Variants in RB1 observed in about 807,000 individuals in gnomAD.
RB1 encodes the protein retinoblastoma-associated protein.
A neutral mutation model predicts 135.4 loss-of-function variants in RB1; 18 were observed. That is an observed-to-expected ratio of 0.13 (90% CI 0.09 to 0.20). The LOEUF (loss-of-function observed/expected upper bound fraction) is 0.20, where lower values mean the gene tolerates loss of function less well. Among genes scored for constraint, RB1 ranks in the 10% least tolerant of loss-of-function variants. The pLI is 1.00. For missense variants in RB1, 868 were observed against 1,110.0 expected (o/e 0.78, Z 3.10); for synonymous variants, 365 against 373.2 (o/e 0.98, Z 0.25).
chr13:48,348,811 A>G (rs1952520858), intron 5 of RB1, 145 bp from the exon 6 acceptor site: 6 of 887,414 alleles, frequency 6.8e-6, no homozygotes, highest in Non-Finnish European at 9.8e-6. Context: ...TATGCAATTA[A>G]AATGGACTGC....
intron 11 of RB1, 136 bp downstream of exon 11, chr13:48,368,740 T>TCCAC: frequency 7.8e-6 from 10 of 1,284,900 alleles, no homozygotes; most frequent in Non-Finnish European, 1.0e-5. Flanking sequence ...GTGTGGTGGA[T>TCCAC]CACACCTGTA....
intron 20 of RB1, 129 bp downstream of exon 20, chr13:48,459,962 T>G (rs1384250231): frequency 2.3e-6 from 1 of 435,860 alleles, no homozygotes; most frequent in Non-Finnish European, 3.8e-6. Context: ...TTTCTTTCTT[T>G]CTTTCTCTCT....
intron 17 of RB1, among the ~76,000 whole-genome samples, chr13:48,393,307 G>A (rs1304999890): frequency 6.6e-6 from 1 of 152,098 alleles, no homozygotes; most frequent in Non-Finnish European, 1.5e-5. Context: ...AGTTTGCCTT[G>A]GCATCTCCCA....
chr13:48,370,272 A>C lies in RB1; in HGVS notation c.1127+1668A>C, dbSNP rs4151507. On this transcript the variant is annotated intron_variant, in intron 11 of 26. Transcript: ENST00000267163. ...ACAATCAACACAGAAGACTTTTGTG[A>C]CCAAATGTGGGAAAGTTTTCCTCAC... Among the ~76,000 whole-genome samples, 393 of 152,114 alleles carry C rather than the reference A, an allele frequency of 2.6e-3. 1 individual carries two copies. Among genetic ancestry groups the C allele is most frequent in the African/African-American group, 9.0e-3 (374 of 41,502 alleles).
chr13:48,327,990 C>T lies in RB1; in HGVS notation c.265-14609C>T. ...AAGATGAAAAAGAAAAAAAAAGTGG[C>T]TCCAAAGGTAGTCTTATACCATTCT... is the stretch of plus-strand genomic sequence containing the variant. On this transcript the variant is annotated intron_variant, in intron 2 of 26. Transcript: ENST00000267163. The T allele has an allele frequency of 1.0e-5, 6 of 582,206 alleles. 1 individual carries two copies. Among genetic ancestry groups the T allele is most frequent in the South Asian group, 9.9e-5 (4 of 40,448 alleles). 36.1% of individuals were successfully genotyped at this position (582,206 alleles called of 1,614,324 possible). A position where few individuals can be genotyped will look rare whatever the true frequency, so the allele number is the denominator to read the frequency against.
intron 6 of RB1, among the ~76,000 whole-genome samples, chr13:48,350,166 A>G (rs1003337746): frequency 6.6e-6 from 1 of 152,126 alleles, no homozygotes; most frequent in African/African-American, 2.4e-5. Flanking sequence ...GAAACATCAG[A>G]CTTAATCTGC....
intron 2 of RB1, chr13:48,316,812 C>A (rs545819256): frequency 1.8e-4 from 46 of 261,034 alleles, no homozygotes; most frequent in Non-Finnish European, 3.2e-4. Flanking sequence ...CGCTCCTTTC[C>A]ACAAATGCAC....
At chr13:48,459,050 A>C (rs1371499154) in intron 19 of RB1, among the ~76,000 whole-genome samples, 3 of 152,162 alleles carry the variant, frequency 2.0e-5, no homozygotes, top group Non-Finnish European at 4.4e-5. Flanking sequence ...GTGAGTGATT[A>C]TTAATAGAAT....
intron 2 of RB1, among the ~76,000 whole-genome samples, chr13:48,339,118 T>C (rs1158165934): frequency 1.3e-5 from 2 of 152,130 alleles, no homozygotes; most frequent in African/African-American, 2.4e-5. Flanking sequence ...TACTCAGGGG[T>C]CAGGGACCCA....
intron 17 of RB1, among the ~76,000 whole-genome samples, 191 bp from the exon 18 acceptor site, chr13:48,452,802 G>T (rs1949335999): frequency 1.3e-5 from 2 of 151,792 alleles, no homozygotes; most frequent in African/African-American, 2.4e-5. Flanking sequence ...TTTTTTGTGT[G>T]TGGGAAGTAC....
intron 2 of RB1, chr13:48,318,494 G>A (rs1952205298): frequency 1.7e-6 from 2 of 1,163,552 alleles, no homozygotes; most frequent in East Asian, 2.5e-5. Flanking sequence ...TCTTACCCTG[G>A]CCCTGCGTCA....
intron 17 of RB1, chr13:48,406,454 A>G (rs1011302316): frequency 6.6e-6 from 1 of 152,188 alleles, no homozygotes; most frequent in Non-Finnish European, 1.5e-5. Flanking sequence ...TTTAAATTGT[A>G]TAAATATAGT....
chr13:48,367,512 C>T lies in RB1; in HGVS notation c.958C>T (p.Arg320Ter), dbSNP rs121913300. ...GLPEVENLSK[R>*]YEEIYLKNKD... The stretch of plus-strand genomic sequence containing the variant: ...TTTCAAGGTTGAAAATCTTTCTAAA[C>T]GATACGAAGAAATTTATCTTAAAAA... The change falls in exon 10 of 27, where the codon CGA becomes TGA. Residue 320 changes from arginine to a stop codon, truncating the protein, a stop_gained. Coordinates refer to ENST00000267163, the MANE Select transcript of RB1 (RefSeq NM_000321.3). LOFTEE classifies it high-confidence loss of function. 6.2e-7 allele frequency: 1 copy of T among 1,603,300 alleles called. No homozygotes were observed. Among genetic ancestry groups the T allele is most frequent in the Non-Finnish European group, 8.5e-7 (1 of 1,173,740 alleles).
intron 11 of RB1, among the ~76,000 whole-genome samples, chr13:48,368,809 C>T (rs1048836608): frequency 2.0e-5 from 3 of 152,030 alleles, no homozygotes; most frequent in African/African-American, 7.2e-5. Context: ...AGTTTGAGAC[C>T]GGCCTGGCCA....
chr13:48,465,349 A>G lies in RB1; in HGVS notation c.2470A>G (p.Lys824Glu). Residue 824 changes from lysine to glutamate, a missense_variant, in exon 23 of 27, where the codon AAA (lysine) becomes GAA (glutamate). Lys to Glu is a moderately conservative substitution (Grantham distance 56). This residue lies in a region of RB1 where 196 missense variants were observed against 239.8 expected (regional missense o/e 0.82). Coordinates refer to ENST00000267163, the MANE Select transcript of RB1 (RefSeq NM_000321.3). The part of the protein sequence containing the change: ...KISEGLPTPT[K>E]MTPRSRILVS... ...TTCAGAAGGTCTGCCAACACCAACA[A>G]AAATGACTCCAAGATCAAGGTGTGT... is the stretch of plus-strand genomic sequence containing the variant. The G allele has an allele frequency of 6.2e-7, 1 of 1,605,882 alleles. No individual in the cohort carries two copies.
At chr13:48,445,900 A>G (rs1949283751) in intron 17 of RB1, among the ~76,000 whole-genome samples, 1 of 152,204 alleles carries the variant, frequency 6.6e-6, no homozygotes, top group Admixed American at 6.5e-5. Context: ...CATGGGGGAA[A>G]GGAGCAGATA....
chr13:48,405,809 T>C (rs1182757922), intron 17 of RB1, among the ~76,000 whole-genome samples: 3 of 152,248 alleles, frequency 2.0e-5, no homozygotes, highest in African/African-American at 7.2e-5. Flanking sequence ...TTTTGGTTTA[T>C]CTTTCCTGTG....
At chr13:48,361,942 A>T (rs1298083496) in intron 7 of RB1, among the ~76,000 whole-genome samples, 15 of 130,542 alleles carry the variant, frequency 1.1e-4, no homozygotes, top group South Asian at 2.3e-4. Flanking sequence ...ATCATCTGTA[A>T]TTTTTTTTTT....
intron 17 of RB1, among the ~76,000 whole-genome samples, chr13:48,451,116 T>C (rs898921281): frequency 2.0e-5 from 3 of 152,148 alleles, no homozygotes; most frequent in African/African-American, 7.2e-5. Context: ...CCTATATGAA[T>C]ATCTTTGTTT....
Sources: allele counts gnomAD v4.1 joint callset (sites outside exome capture counted in the v4.1 genomes callset), GRCh38; gene constraint gnomAD v4.1.1; regional missense constraint gnomAD v4.1.1; transcripts MANE v1.5; gene names NCBI Gene and HGNC (gene_info 2026-07-23, HGNC 2026-07-21).